PDE10A: variants seen among roughly 807,000 people sequenced by gnomAD.
PDE10A encodes the protein phosphodiesterase 10A.
Under a neutral mutation model 97.7 loss-of-function variants are expected in PDE10A, and 39 were observed. The observed-to-expected ratio is 0.40, with a 90% confidence interval of 0.31 to 0.52. The LOEUF (loss-of-function observed/expected upper bound fraction) is 0.52. Ranked by LOEUF, PDE10A falls within the 20% of genes least tolerant of loss-of-function variation. The probability of loss-of-function intolerance (pLI) is 0.56; values close to 1 mark genes in which losing one functional copy is unlikely to be tolerated. For missense variants in PDE10A, 731 were observed against 1,047.8 expected, an observed-to-expected ratio of 0.70 and a Z score of 4.17; for synonymous variants, 371 against 376.8, an observed-to-expected ratio of 0.98 and a Z score of 0.18.
rs79156899 is a variant in PDE10A at position 165,430,604 on chromosome 6, A to AACATCT, written c.1543-260_1543-259insAGATGT. On this transcript the variant is annotated intron_variant, in intron 8 of 21. Transcript: ENST00000539869. ...GGAATTTACATTTCATAATGGACTT[A>AACATCT]TAAAGATGTTAAGAACCTTACTGAG... 1.9e-4 allele frequency among the ~76,000 whole-genome samples: 20 copies of AACATCT among 103,180 alleles called. No individual in the cohort carries two copies. In the Admixed American group the frequency reaches 2.1e-3, roughly 11 times the overall value. The allele number at this position is 103,180 out of a possible 152,430, so 67.7% of individuals were successfully genotyped here. A position where few individuals can be genotyped will look rare whatever the true frequency, so the allele number is the denominator to read the frequency against.
chr6:165,339,408 T>C (rs367649076), intron 19 of PDE10A, 50 bp from the exon 20 acceptor site: 32 of 1,071,632 alleles, frequency 3.0e-5, no homozygotes, highest in Middle Eastern at 2.0e-4. Flanking sequence ...CAAATTGCTA[T>C]ACTATTTTGA....
intron 1 of PDE10A, among the ~76,000 whole-genome samples, chr6:165,983,848 A>T (rs1785095141): frequency 6.6e-6 from 1 of 152,242 alleles, no homozygotes; most frequent in Non-Finnish European, 1.5e-5. Flanking sequence ...GTAAGGGGTT[A>T]TGTGTCATGA....
At chr6:165,609,344 T>C (rs1787380709) in intron 1 of PDE10A, among the ~76,000 whole-genome samples, 1 of 152,236 alleles carries the variant, frequency 6.6e-6, no homozygotes, top group South Asian at 2.1e-4. Context: ...AATTAGGTAC[T>C]GATGGGACAT....
chr6:165,622,456 C>T (rs1376950273), intron 1 of PDE10A, among the ~76,000 whole-genome samples: 2 of 152,212 alleles, frequency 1.3e-5, no homozygotes, highest in African/African-American at 2.4e-5. Flanking sequence ...TTCCAGGCCA[C>T]AGACTGTACA....
chr6:165,924,181 T>C (rs1421172920), intron 1 of PDE10A, among the ~76,000 whole-genome samples: 13 of 152,212 alleles, frequency 8.5e-5, no homozygotes, highest in Non-Finnish European at 1.6e-4. Flanking sequence ...CAATTCATGG[T>C]TTCCAAGTTG....
At chr6:165,595,198 C>T (rs1438471960) in intron 1 of PDE10A, among the ~76,000 whole-genome samples, 4 of 152,164 alleles carry the variant, frequency 2.6e-5, no homozygotes, top group African/African-American at 4.8e-5. Context: ...GCTCACCTGC[C>T]GTAGCCTCAG....
At chr6:165,353,291 T>C (rs1237594660) in intron 18 of PDE10A, among the ~76,000 whole-genome samples, 2 of 152,192 alleles carry the variant, frequency 1.3e-5, no homozygotes, top group East Asian at 3.9e-4. Context: ...TCATACAGAA[T>C]TATGAAATAA....
intron 3 of PDE10A, among the ~76,000 whole-genome samples, chr6:165,463,261 C>T (rs568830845): frequency 1.3e-5 from 2 of 152,292 alleles, no homozygotes; most frequent in East Asian, 1.9e-4. Context: ...TGATATGGCT[C>T]ATTGTAGGAG....
intron 17 of PDE10A, among the ~76,000 whole-genome samples, chr6:165,386,838 TAA>T (rs1296726151): frequency 1.1e-3 from 123 of 113,288 alleles, no homozygotes; most frequent in African/African-American, 3.8e-3. Flanking sequence ...CCAGCTCTAC[TAA>T]AAAAAAAAAA....
At chr6:165,529,597 C>T (rs1324100799) in intron 2 of PDE10A, among the ~76,000 whole-genome samples, 7 of 152,170 alleles carry the variant, frequency 4.6e-5, no homozygotes, top group Admixed American at 4.6e-4. Context: ...ATATTTCCTC[C>T]TCCTTTTGTT....
intron 1 of PDE10A, among the ~76,000 whole-genome samples, chr6:165,794,621 A>C (rs1317183414): frequency 6.6e-6 from 1 of 152,030 alleles, no homozygotes; most frequent in Non-Finnish European, 1.5e-5. Context: ...TCACATACAC[A>C]TGTATCTCAC....
chr6:165,372,871 C>G (rs540005604), intron 18 of PDE10A, among the ~76,000 whole-genome samples: 150 of 151,904 alleles, frequency 9.9e-4, no homozygotes, highest in African/African-American at 3.3e-3. Context: ...GTACTGGTAC[C>G]AAAACAGAGA....
intron 18 of PDE10A, among the ~76,000 whole-genome samples, chr6:165,356,847 C>T (rs1438837574): frequency 1.3e-5 from 2 of 152,058 alleles, no homozygotes; most frequent in Admixed American, 6.6e-5. Flanking sequence ...CAGTAGATGG[C>T]ATGTAATTTA....
chr6:165,486,243 G>A (rs964870870), intron 2 of PDE10A, among the ~76,000 whole-genome samples: 3 of 152,190 alleles, frequency 2.0e-5, no homozygotes, highest in African/African-American at 7.2e-5. Context: ...GTGCACTTTT[G>A]TTGCCAACGA....
At chr6:165,340,874 TACA>T (rs1172350730) in intron 19 of PDE10A, among the ~76,000 whole-genome samples, 2 of 152,154 alleles carry the variant, frequency 1.3e-5, no homozygotes, top group Non-Finnish European at 2.9e-5. Context: ...TGGTCTGTAT[TACA>T]ACAAGAGGAT....
chr6:165,515,188 G>A (rs996358665), intron 2 of PDE10A, among the ~76,000 whole-genome samples: 1 of 152,102 alleles, frequency 6.6e-6, no homozygotes, highest in Non-Finnish European at 1.5e-5. Context: ...GACAGCCCAT[G>A]ACATTTGTAC....
At chr6:165,949,576 C>T (rs1783887532) in intron 1 of PDE10A, 1 of 152,212 alleles carries the variant, frequency 6.6e-6, no homozygotes, top group Non-Finnish European at 1.5e-5. Context: ...CACCGCAGAT[C>T]TTATGAAGTG....
In PDE10A at chr6:165,332,844, C is replaced by G. The variant is rs141059915; in HGVS notation, c.*181G>C. The G allele has an allele frequency of 5.0e-4, 290 of 584,570 alleles. 1 individual carries two copies. The highest frequency in any genetic ancestry group is 4.9e-3 in the African/African-American group (263 of 53,290). The allele number at this position is 584,570 out of a possible 1,614,324, so 36.2% of individuals were successfully genotyped here. ...GTTGCTCAGTGTCTATGATGCCTCA[C>G]AGAAGAGATTGGCAGGAAGTCCTCT... On this transcript the variant is annotated 3_prime_UTR_variant, in exon 22 of 22. Transcript: ENST00000539869.
intron 2 of PDE10A, among the ~76,000 whole-genome samples, chr6:165,535,288 T>G (rs1783013151): frequency 6.6e-6 from 1 of 151,756 alleles, no homozygotes; most frequent in African/African-American, 2.4e-5. Context: ...CACTGCACAG[T>G]GGTGAGGTCT....
Sources: allele counts gnomAD v4.1 joint callset (sites outside exome capture counted in the v4.1 genomes callset), GRCh38; gene constraint gnomAD v4.1.1; transcripts MANE v1.5; gene names NCBI Gene and HGNC (gene_info 2026-07-23, HGNC 2026-07-21).